SSH2: variants seen among roughly 807,000 people sequenced by gnomAD.
SSH2 encodes slingshot protein phosphatase 2, also known as protein phosphatase Slingshot homolog 2.
SSH2 carries 37 observed loss-of-function variants against 135.2 expected under a neutral mutation model. The ratio of observed to expected loss-of-function variants is 0.27; its 90% CI spans 0.21 to 0.36. The LOEUF is 0.36. Among genes scored for constraint, SSH2 ranks in the 10% least tolerant of loss-of-function variants. The pLI, the probability that SSH2 is intolerant of heterozygous loss-of-function variation, is 1.00. For missense variants in SSH2, 1,408 were observed against 1,765.3 expected, an observed-to-expected ratio of 0.80 and a Z score of 3.63; for synonymous variants, 628 against 646.2, an observed-to-expected ratio of 0.97 and a Z score of 0.43.
chr17:29,843,446 A>G (rs979670414), intron 2 of SSH2, among the ~76,000 whole-genome samples: 1 of 152,024 alleles, frequency 6.6e-6, no homozygotes, highest in African/African-American at 2.4e-5. Context: ...AGTCCCAGCT[A>G]CTCAAGAGAC....
intron 1 of SSH2, among the ~76,000 whole-genome samples, chr17:29,887,317 C>G (rs1385510301): frequency 5.9e-5 from 9 of 152,124 alleles, no homozygotes; most frequent in Non-Finnish European, 1.5e-5. Flanking sequence ...TAGTGAGGAT[C>G]AATAGAGGAT....
At chr17:29,687,911 A>G (rs567156304) in intron 5 of SSH2, among the ~76,000 whole-genome samples, 13 of 152,348 alleles carry the variant, frequency 8.5e-5, no homozygotes, top group African/African-American at 3.1e-4. Context: ...GGAAAAATAT[A>G]ACTTTCATAA....
chr17:29,727,706 C>T (rs183596545), intron 3 of SSH2, among the ~76,000 whole-genome samples: 31 of 152,250 alleles, frequency 2.0e-4, no homozygotes, highest in Admixed American at 2.6e-4. Context: ...ATGTTAGAAC[C>T]CACAGCTAGT....
chr17:29,915,266 C>T (rs1433546158), intron 1 of SSH2, among the ~76,000 whole-genome samples: 5 of 152,180 alleles, frequency 3.3e-5, no homozygotes, highest in Non-Finnish European at 5.9e-5. Flanking sequence ...CCTATTGTTG[C>T]TTCAGACACT....
intron 2 of SSH2, among the ~76,000 whole-genome samples, chr17:29,834,026 G>GT (rs2042902904): frequency 7.1e-6 from 1 of 140,906 alleles, no homozygotes; most frequent in Non-Finnish European, 1.5e-5. Flanking sequence ...TGTTTTTTGT[G>GT]TATCTATTGT....
At chr17:29,708,589 CAA>C (rs61012646) in intron 3 of SSH2, among the ~76,000 whole-genome samples, 197 of 98,910 alleles carry the variant, frequency 2.0e-3, no homozygotes, top group Middle Eastern at 4.7e-3. Flanking sequence ...AACTCTGCTT[CAA>C]AAAAAAAAAA....
intron 3 of SSH2, among the ~76,000 whole-genome samples, chr17:29,782,952 C>T (rs2041872266): frequency 6.6e-6 from 1 of 152,116 alleles, no homozygotes; most frequent in Admixed American, 6.6e-5. Context: ...AACCCCTGAC[C>T]TCAGTTGATC....
At chr17:29,716,701 G>A (rs2039637561) in intron 3 of SSH2, 3 of 609,978 alleles carry the variant, frequency 4.9e-6, no homozygotes, top group Admixed American at 1.9e-5. Context: ...GTGAATTACT[G>A]GAAGATGGCA....
At chr17:29,662,497 T>C (rs1382700718) in intron 11 of SSH2, among the ~76,000 whole-genome samples, 1 of 152,240 alleles carries the variant, frequency 6.6e-6, no homozygotes, top group Non-Finnish European at 1.5e-5. Flanking sequence ...GAGAAATTTA[T>C]GCCACACCTC....
At chr17:29,725,347 CAAAAAAAAAAAA>C (rs11449000) in intron 3 of SSH2, among the ~76,000 whole-genome samples, 2 of 52,788 alleles carry the variant, frequency 3.8e-5, no homozygotes, top group Admixed American at 2.8e-4. Flanking sequence ...AATCAGTCTC[CAAAAAAAAAAAA>C]AAAAAAAAAA....
intron 1 of SSH2, among the ~76,000 whole-genome samples, chr17:29,887,980 C>G (rs147571890): frequency 0.013 from 1,945 of 152,058 alleles, 48 homozygotes; most frequent in African/African-American, 0.044. Flanking sequence ...CTCATGACTG[C>G]AATCCCAGCA....
chr17:29,695,190 C>A (rs2038675486), intron 5 of SSH2, among the ~76,000 whole-genome samples: 1 of 152,196 alleles, frequency 6.6e-6, no homozygotes, highest in Admixed American at 6.5e-5. Context: ...TCAAGCTCCA[C>A]TGACTACATA....
In SSH2 at chr17:29,671,958, G is replaced by A. The variant is rs960863745; in HGVS notation, c.786C>T (p.Asp262=). Residue 262 remains aspartate, a synonymous_variant, in exon 9 of 16, where the codon GAC becomes GAT. Coordinates refer to ENST00000540801, the MANE Select transcript of SSH2 (RefSeq NM_001282129.2). ...ACATGTCGGTGAAGAGAGCTGGAGA[G>A]TCGGGCCGGTGGGACTGTACATCTT... ...AMQDVQSHRP[D]SPALFTDIPT... is the part of the protein sequence containing the mutation. The A allele has an allele frequency of 6.2e-7, 1 of 1,613,822 alleles. No individual in the cohort carries two copies. Among genetic ancestry groups the A allele is most frequent in the African/African-American group, 1.3e-5 (1 of 75,058 alleles).
intron 3 of SSH2, among the ~76,000 whole-genome samples, chr17:29,724,973 A>C (rs938270171): frequency 6.6e-6 from 1 of 152,050 alleles, no homozygotes; most frequent in Admixed American, 6.6e-5. Flanking sequence ...ACAGATTTTC[A>C]TTCAACAGGT....
chr17:29,884,275 T>C (rs1182666894), intron 1 of SSH2, among the ~76,000 whole-genome samples: 2 of 152,200 alleles, frequency 1.3e-5, no homozygotes, highest in Non-Finnish European at 2.9e-5. Context: ...TCAGTTGCAT[T>C]TGACAGAATT....
intron 5 of SSH2, among the ~76,000 whole-genome samples, chr17:29,688,216 G>A (rs1039167946): frequency 2.6e-5 from 4 of 151,916 alleles, no homozygotes; most frequent in Non-Finnish European, 5.9e-5. Flanking sequence ...TCACCATGTT[G>A]GCCAGGATGC....
At chr17:29,906,416 G>A (rs1367784701) in intron 1 of SSH2, among the ~76,000 whole-genome samples, 1 of 152,086 alleles carries the variant, frequency 6.6e-6, no homozygotes, top group African/African-American at 2.4e-5. Context: ...AACCCTAGAA[G>A]AAAATCTAGG....
intron 3 of SSH2, among the ~76,000 whole-genome samples, chr17:29,710,447 C>G (rs1440879820): frequency 6.6e-6 from 1 of 152,218 alleles, no homozygotes; most frequent in Non-Finnish European, 1.5e-5. Context: ...AAGTACCACA[C>G]ATAATCTGAA....
At chr17:29,686,525 C>T (rs2038229889) in intron 5 of SSH2, among the ~76,000 whole-genome samples, 1 of 150,568 alleles carries the variant, frequency 6.6e-6, no homozygotes, top group Non-Finnish European at 1.5e-5. Flanking sequence ...CCACGCCCGG[C>T]TAATTTTTTT....
Sources: gnomAD v4.1 joint callset for allele counts (sites outside exome capture counted in the v4.1 genomes callset) on GRCh38, gnomAD v4.1.1 for gene constraint, MANE v1.5 for transcripts, NCBI Gene and HGNC (gene_info 2026-07-23, HGNC 2026-07-21) for gene names.